Variants in PPM1L observed in about 807,000 individuals in gnomAD.
PPM1L encodes protein phosphatase 1L.
PPM1L carries 13 observed loss-of-function variants against 31.4 expected under a neutral mutation model. That is an observed-to-expected ratio of 0.41 (90% CI 0.27 to 0.66). The LOEUF (loss-of-function observed/expected upper bound fraction) is 0.66. PPM1L is among the 30% of genes least tolerant of loss of function. The probability of loss-of-function intolerance (pLI) is 0.29; values close to 1 mark genes in which losing one functional copy is unlikely to be tolerated. For missense variants in PPM1L, 326 were observed against 453.7 expected (o/e 0.72, Z 2.56); for synonymous variants, 184 against 175.4 (o/e 1.05, Z -0.39).
chr3:160,946,645 T>A (rs1371356569), intron 1 of PPM1L, among the ~76,000 whole-genome samples: 1 of 152,140 alleles, frequency 6.6e-6, no homozygotes, highest in Non-Finnish European at 1.5e-5. Flanking sequence ...GGCAACTTTC[T>A]GTGTGGAATA....
At chr3:160,967,316 G>A (rs779447521) in intron 2 of PPM1L, among the ~76,000 whole-genome samples, 3 of 151,880 alleles carry the variant, frequency 2.0e-5, no homozygotes, top group Non-Finnish European at 4.4e-5. Context: ...GTATGAAAAT[G>A]GACTAATACA....
intron 1 of PPM1L, among the ~76,000 whole-genome samples, chr3:160,845,396 G>A (rs1016178990): frequency 3.3e-5 from 5 of 151,930 alleles, no homozygotes; most frequent in African/African-American, 7.2e-5. Flanking sequence ...GATATAAGTC[G>A]TTTATTAGAT....
chr3:160,879,908 T>A (rs1712648205), intron 1 of PPM1L, among the ~76,000 whole-genome samples: 1 of 152,202 alleles, frequency 6.6e-6, no homozygotes, highest in Non-Finnish European at 1.5e-5. Flanking sequence ...TAGAGAGGTC[T>A]GCAGTATGAT....
rs1000395226 is a variant in PPM1L at position 161,076,958 on chromosome 3, A to G, written c.*7801A>G. ...GTCACTATTATTGCTGTGTGTTTGT[A>G]TATTTTATTCTTTCCTTTTTTGTGT... On this transcript the variant is annotated 3_prime_UTR_variant, in exon 4 of 4. Transcript: ENST00000498165. The G allele has an allele frequency of 1.1e-4, 16 of 152,288 alleles. No individual in the cohort carries two copies. Among genetic ancestry groups the G allele is most frequent in the South Asian group, 2.1e-4 (1 of 4,824 alleles). 9.4% of individuals were successfully genotyped at this position (152,288 alleles called of 1,614,324 possible). A position where few individuals can be genotyped will look rare whatever the true frequency, so the allele number is the denominator to read the frequency against.
chr3:161,005,052 A>G (rs778661), intron 2 of PPM1L, among the ~76,000 whole-genome samples: 33,479 of 151,338 alleles, frequency 0.22, 4,018 homozygotes, highest in South Asian at 0.3. Context: ...CTTTGTTCTC[A>G]TTGATTTCAA....
intron 1 of PPM1L, among the ~76,000 whole-genome samples, chr3:160,762,091 C>G (rs1213506004): frequency 6.6e-6 from 1 of 152,120 alleles, no homozygotes; most frequent in Non-Finnish European, 1.5e-5. Context: ...TCATTGACTC[C>G]TTCTGAAATA....
intron 1 of PPM1L, among the ~76,000 whole-genome samples, chr3:160,881,613 CT>C (rs1268955983): frequency 1.3e-5 from 2 of 152,182 alleles, no homozygotes; most frequent in African/African-American, 4.8e-5. Context: ...GAATTTCCGT[CT>C]GCTTTTGACT....
intron 1 of PPM1L, among the ~76,000 whole-genome samples, chr3:160,777,771 T>C (rs1711604191): frequency 6.6e-6 from 1 of 152,224 alleles, no homozygotes; most frequent in African/African-American, 2.4e-5. Flanking sequence ...CATTCATTGA[T>C]AGATATTTGA....
chr3:161,058,383 C>T (rs1004148408), intron 2 of PPM1L, among the ~76,000 whole-genome samples: 3 of 151,786 alleles, frequency 2.0e-5, no homozygotes, highest in Non-Finnish European at 4.4e-5. Context: ...CCTCAGCCTC[C>T]GAAAGTGCTG....
At position 161,037,899 on chromosome 3, in the gene PPM1L, T is replaced by C. The variant is rs569975247; in HGVS notation, c.575-27504T>C. On this transcript the variant is annotated intron_variant, in intron 2 of 3. Coordinates refer to ENST00000498165, the MANE Select transcript of PPM1L (RefSeq NM_139245.4). The stretch of plus-strand genomic sequence containing the variant: ...TTATGTTGAATGAATCTATCTTGTG[T>C]TCATTTCTTCAGCAAGACTGGGTCA... Among the ~76,000 whole-genome samples, 3 of 152,252 alleles carry C rather than the reference T, an allele frequency of 2.0e-5. No individual in the cohort carries two copies. In the South Asian group the frequency reaches 6.2e-4, roughly 32 times the overall value.
chr3:160,964,363 G>C (rs1716066116), intron 2 of PPM1L, among the ~76,000 whole-genome samples: 1 of 151,826 alleles, frequency 6.6e-6, no homozygotes, highest in South Asian at 2.1e-4. Context: ...GACTAAGCTA[G>C]AGAAAAAAAT....
chr3:160,913,484 A>T (rs991617599), intron 1 of PPM1L, among the ~76,000 whole-genome samples: 1 of 152,204 alleles, frequency 6.6e-6, no homozygotes, highest in African/African-American at 2.4e-5. Flanking sequence ...ATATAGCTGT[A>T]TAAATACCAC....
At chr3:160,872,984 G>T (rs1279869205) in intron 1 of PPM1L, among the ~76,000 whole-genome samples, 5 of 152,170 alleles carry the variant, frequency 3.3e-5, no homozygotes, top group Non-Finnish European at 7.4e-5. Context: ...GAAAATCAAA[G>T]TTTGTCAAGT....
chr3:160,827,594 A>G (rs774782926), intron 1 of PPM1L, among the ~76,000 whole-genome samples: 1 of 151,972 alleles, frequency 6.6e-6, no homozygotes, highest in Non-Finnish European at 1.5e-5. Flanking sequence ...ACACTTGGAG[A>G]GTTAAGATAG....
At chr3:160,871,580 TTCG>T (rs1474594788) in intron 1 of PPM1L, among the ~76,000 whole-genome samples, 1 of 152,244 alleles carries the variant, frequency 6.6e-6, no homozygotes, top group African/African-American at 2.4e-5. Flanking sequence ...TTCTACCATC[TTCG>T]TCTGATTAGG....
intron 1 of PPM1L, among the ~76,000 whole-genome samples, chr3:160,909,296 A>G (rs1200657923): frequency 6.6e-6 from 1 of 152,178 alleles, no homozygotes; most frequent in East Asian, 1.9e-4. Flanking sequence ...AATGGAGAAC[A>G]TAGATATAAG....
intron 1 of PPM1L, among the ~76,000 whole-genome samples, chr3:160,800,396 T>A (rs1712387415): frequency 6.6e-6 from 1 of 152,126 alleles, no homozygotes; most frequent in Admixed American, 6.5e-5. Context: ...CTTTAATACT[T>A]TTTTCCCCAA....
At chr3:161,009,048 G>A (rs772802484) in intron 2 of PPM1L, among the ~76,000 whole-genome samples, 30 of 152,170 alleles carry the variant, frequency 2.0e-4, no homozygotes, top group African/African-American at 4.3e-4. Flanking sequence ...GGAAGAAGCC[G>A]CAGACAGGGA....
intron 2 of PPM1L, among the ~76,000 whole-genome samples, chr3:161,017,018 A>T (rs1718106371): frequency 2.0e-5 from 3 of 152,296 alleles, no homozygotes; most frequent in Middle Eastern, 3.4e-3. Flanking sequence ...CAAGTCATGA[A>T]AGAGCCAATT....
Sources: allele counts gnomAD v4.1 joint callset (sites outside exome capture counted in the v4.1 genomes callset), GRCh38; gene constraint gnomAD v4.1.1; transcripts MANE v1.5; gene names NCBI Gene and HGNC (gene_info 2026-07-23, HGNC 2026-07-21).